The following LRP1B variants were observed in gnomAD, a reference collection of about 807,000 sequenced individuals.
The protein encoded by LRP1B is low-density lipoprotein receptor-related protein 1B.
In LRP1B, 217 loss-of-function variants were observed where a neutral mutation model predicts 556.6. That is an observed-to-expected ratio of 0.39 (90% CI 0.35 to 0.44). The LOEUF is 0.44. LRP1B is among the 20% of genes least tolerant of loss of function. The pLI is 1.00. For missense variants in LRP1B, 5,053 were observed against 5,620.8 expected (o/e 0.90, Z 3.23); for synonymous variants, 2,047 against 1,865.8 (o/e 1.10, Z -2.50).
In LRP1B at chr2:140,536,555, C is replaced by T. The variant is rs1055069118; in HGVS notation, c.7642+26G>A. The T allele has an allele frequency of 1.5e-5, 23 of 1,584,722 alleles. 1 individual carries two copies. Among genetic ancestry groups the T allele is most frequent in the Admixed American group, 1.1e-4 (6 of 52,352 alleles). The stretch of plus-strand genomic sequence containing the variant: ...AAGAATCAGAAAACTTTATCTGAAA[C>T]GAGCAAACCCATATTGGACACTTAC... On this transcript the variant is annotated intron_variant, in intron 46 of 90. Transcript: ENST00000389484.
intron 41 of LRP1B, among the ~76,000 whole-genome samples, chr2:140,623,533 C>T (rs1255467032): frequency 1.3e-5 from 2 of 151,782 alleles, no homozygotes; most frequent in East Asian, 3.9e-4. Context: ...CAACAGAGGT[C>T]AAAGTAATCA....
chr2:141,793,366 C>A (rs1695686229), intron 2 of LRP1B, among the ~76,000 whole-genome samples: 2 of 151,910 alleles, frequency 1.3e-5, no homozygotes, highest in Admixed American at 1.3e-4. Context: ...CAGTCTACTA[C>A]TACTTAAACA....
At chr2:141,115,172 T>C (rs575817403) in intron 7 of LRP1B, among the ~76,000 whole-genome samples, 5 of 150,962 alleles carry the variant, frequency 3.3e-5, no homozygotes, top group Non-Finnish European at 7.4e-5. Flanking sequence ...AAAAAGCATG[T>C]GGACTTTCAA....
At chr2:141,097,276 AAAAC>A (rs753433073) in intron 7 of LRP1B, among the ~76,000 whole-genome samples, 16 of 152,190 alleles carry the variant, frequency 1.1e-4, no homozygotes, top group South Asian at 2.1e-4. Context: ...TGAAATTTTT[AAAAC>A]AAACAAAAAT....
At chr2:140,403,565 A>T (rs1394344007) in intron 66 of LRP1B, among the ~76,000 whole-genome samples, 1 of 152,192 alleles carries the variant, frequency 6.6e-6, no homozygotes, top group Non-Finnish European at 1.5e-5. Context: ...TAATCAAGTC[A>T]GACAAAGATA....
intron 31 of LRP1B, among the ~76,000 whole-genome samples, chr2:140,831,078 T>C (rs958435328): frequency 2.0e-5 from 3 of 152,046 alleles, no homozygotes; most frequent in Non-Finnish European, 4.4e-5. Context: ...TAAGCAAAGA[T>C]ATTCCATGCT....
intron 2 of LRP1B, among the ~76,000 whole-genome samples, chr2:141,536,564 T>C (rs1345643185): frequency 2.0e-5 from 3 of 152,038 alleles, no homozygotes; most frequent in African/African-American, 7.2e-5. Context: ...AAATAATACA[T>C]TGTTTGCTAG....
chr2:141,176,497 A>G (rs1680741593), intron 7 of LRP1B, among the ~76,000 whole-genome samples: 1 of 151,974 alleles, frequency 6.6e-6, no homozygotes, highest in South Asian at 2.1e-4. Flanking sequence ...TCACATGATG[A>G]CCTTCCCCTG....
chr2:140,644,148 C>A (rs1481507866), intron 41 of LRP1B, among the ~76,000 whole-genome samples: 1 of 152,128 alleles, frequency 6.6e-6, no homozygotes, highest in African/African-American at 2.4e-5. Flanking sequence ...TTTGAGCCTT[C>A]TTAAAGAGAC....
rs182228741 is a variant in LRP1B at position 141,206,469 on chromosome 2, C to T, written c.851-17886G>A. Reference sequence around the variant, plus strand: ...GCGTGGTGGCGGGCGCCTGTAGTCCCAGCTACTCGGGAGGCTGAGGCAGGG... The same window carrying T: ...GCGTGGTGGCGGGCGCCTGTAGTCCTAGCTACTCGGGAGGCTGAGGCAGGG... On this transcript the variant is annotated intron_variant, in intron 6 of 90. Coordinates refer to ENST00000389484, the MANE Select transcript of LRP1B (RefSeq NM_018557.3). Among the ~76,000 whole-genome samples, 112 of 152,120 alleles carry T rather than the reference C, an allele frequency of 7.4e-4. 1 individual carries two copies. In the East Asian group the frequency reaches 0.019, roughly 25 times the overall value.
At chr2:142,085,876 A>C (rs1311825110) in intron 1 of LRP1B, among the ~76,000 whole-genome samples, 1 of 152,198 alleles carries the variant, frequency 6.6e-6, no homozygotes, top group Non-Finnish European at 1.5e-5. Context: ...AACTGAAGTC[A>C]CTGAACTATC....
At chr2:141,192,859 T>C (rs1681579251) in intron 6 of LRP1B, among the ~76,000 whole-genome samples, 1 of 152,068 alleles carries the variant, frequency 6.6e-6, no homozygotes, top group East Asian at 1.9e-4. Flanking sequence ...CAACTATGTT[T>C]TTAAAACTTG....
chr2:140,576,393 G>A (rs1245233991), intron 43 of LRP1B, among the ~76,000 whole-genome samples: 1 of 152,086 alleles, frequency 6.6e-6, no homozygotes, highest in African/African-American at 2.4e-5. Context: ...AACAATTGTT[G>A]GTAAAGCAAG....
intron 1 of LRP1B, among the ~76,000 whole-genome samples, chr2:141,881,635 G>A (rs984229961): frequency 6.6e-6 from 1 of 151,764 alleles, no homozygotes; most frequent in African/African-American, 2.4e-5. Context: ...TTGATAAGAT[G>A]TAAAATTTTA....
chr2:142,107,451 GC>G (rs1559074202), intron 1 of LRP1B, among the ~76,000 whole-genome samples: 1 of 152,040 alleles, frequency 6.6e-6, no homozygotes, highest in Non-Finnish European at 1.5e-5. Flanking sequence ...GGCTGACGCA[GC>G]AAAAGGGCCC....
intron 7 of LRP1B, among the ~76,000 whole-genome samples, chr2:141,164,079 G>A (rs1680148520): frequency 6.6e-6 from 1 of 151,940 alleles, no homozygotes; most frequent in Admixed American, 6.6e-5. Flanking sequence ...TACATAAATT[G>A]GATGACAGAG....
intron 6 of LRP1B, among the ~76,000 whole-genome samples, chr2:141,214,146 A>C (rs1387680723): frequency 6.6e-6 from 1 of 152,218 alleles, no homozygotes; most frequent in African/African-American, 2.4e-5. Context: ...TCTTTTTACA[A>C]AATCTCATTA....
chr2:141,305,026 T>C (rs1345046596), intron 3 of LRP1B, among the ~76,000 whole-genome samples: 6 of 152,214 alleles, frequency 3.9e-5, no homozygotes, highest in African/African-American at 1.4e-4. Flanking sequence ...ATGTGATGCC[T>C]ACATTTTTGT....
At chr2:141,895,048 C>CAAAA (rs369108197) in intron 1 of LRP1B, among the ~76,000 whole-genome samples, 5 of 78,500 alleles carry the variant, frequency 6.4e-5, no homozygotes, top group African/African-American at 1.6e-4. Flanking sequence ...AACTCCATCT[C>CAAAA]AAAAAAAAAA....
Sources: allele counts gnomAD v4.1 joint callset (sites outside exome capture counted in the v4.1 genomes callset), GRCh38; gene constraint gnomAD v4.1.1; transcripts MANE v1.5; gene names NCBI Gene and HGNC (gene_info 2026-07-23, HGNC 2026-07-21).